Variants in SLMAP observed in about 807,000 individuals in gnomAD.
SLMAP encodes sarcolemmal membrane-associated protein.
SLMAP carries 44 observed loss-of-function variants against 128.8 expected under a neutral mutation model. That is an observed-to-expected ratio of 0.34 (90% CI 0.27 to 0.44). The LOEUF (loss-of-function observed/expected upper bound fraction) is 0.44. SLMAP is among the 20% of genes least tolerant of loss of function. The probability of loss-of-function intolerance (pLI) is 1.00; values close to 1 mark genes in which losing one functional copy is unlikely to be tolerated. For missense variants in SLMAP, 787 were observed against 985.3 expected (o/e 0.80, Z 2.69); for synonymous variants, 327 against 348.8 (o/e 0.94, Z 0.70).
intron 24 of SLMAP, chr3:57,926,195 G>A (rs1187344676): frequency 1.1e-5 from 5 of 440,704 alleles, no homozygotes; most frequent in Admixed American, 4.2e-5. Context: ...TCCATTAACT[G>A]AGTCTTTATC....
chr3:57,883,755 T>C (rs1186010731), intron 14 of SLMAP, among the ~76,000 whole-genome samples: 1 of 152,166 alleles, frequency 6.6e-6, no homozygotes, highest in Non-Finnish European at 1.5e-5. Context: ...CTTTCTCTTT[T>C]CTGAAGGCCT....
At chr3:57,845,432 A>C (rs1255489043) in intron 4 of SLMAP, among the ~76,000 whole-genome samples, 41 of 152,198 alleles carry the variant, frequency 2.7e-4, no homozygotes, top group Admixed American at 2.7e-3. Flanking sequence ...CAGTTCTTAC[A>C]GTGTTTGCAG....
At chr3:57,896,954 A>T in intron 17 of SLMAP, 22 bp downstream of exon 17, 1 of 1,613,154 alleles carries the variant, frequency 6.2e-7, no homozygotes, top group Non-Finnish European at 8.5e-7. Flanking sequence ...TGTTTTTATG[A>T]CATCGTAAAC....
chr3:57,871,570 C>T (rs1388854480), intron 13 of SLMAP, 66 bp from the exon 14 acceptor site: 5 of 1,220,742 alleles, frequency 4.1e-6, no homozygotes, highest in Non-Finnish European at 6.1e-6. Context: ...AGTTTTCCTA[C>T]CTTTGCTGTT....
chr3:57,802,323 G>C (rs888135286), intron 2 of SLMAP, among the ~76,000 whole-genome samples: 3 of 151,688 alleles, frequency 2.0e-5, no homozygotes, highest in Non-Finnish European at 4.4e-5. Flanking sequence ...TTCTGCCCAG[G>C]CTGGAGTGCA....
At chr3:57,801,045 C>T in intron 2 of SLMAP, 1 of 214,184 alleles carries the variant, frequency 4.7e-6, no homozygotes, top group Non-Finnish European at 9.4e-6. Context: ...ACAGAAAGTT[C>T]ATGAGTAAAG....
chr3:57,914,476 T>A (rs1413153232), intron 21 of SLMAP, among the ~76,000 whole-genome samples: 1 of 151,930 alleles, frequency 6.6e-6, no homozygotes, highest in Non-Finnish European at 1.5e-5. Flanking sequence ...AATTCCAAAA[T>A]AGGAATGGGA....
At chr3:57,892,334 T>C (rs940608952) in intron 15 of SLMAP, among the ~76,000 whole-genome samples, 2 of 152,216 alleles carry the variant, frequency 1.3e-5, no homozygotes, top group African/African-American at 4.8e-5. Flanking sequence ...CTCTTACCTC[T>C]AGAAGATGTA....
At chr3:57,901,343 G>A (rs903562442) in intron 17 of SLMAP, 5 of 152,268 alleles carry the variant, frequency 3.3e-5, no homozygotes, top group Admixed American at 3.3e-4. Context: ...ATTATTGGTG[G>A]TTGTTGCCAT....
At chr3:57,807,096 T>G (rs1560057759) in intron 2 of SLMAP, among the ~76,000 whole-genome samples, 1 of 152,220 alleles carries the variant, frequency 6.6e-6, no homozygotes, top group Non-Finnish European at 1.5e-5. Context: ...TGGTTTTGAT[T>G]TGCATTTCTC....
intron 9 of SLMAP, 80 bp downstream of exon 9, chr3:57,860,919 T>A: frequency 8.6e-7 from 1 of 1,159,582 alleles, no homozygotes; most frequent in Non-Finnish European, 1.2e-6. Flanking sequence ...TACTTTAAAC[T>A]TGGGTATTAT....
intron 2 of SLMAP, among the ~76,000 whole-genome samples, chr3:57,769,764 T>A (rs1228334682): frequency 6.6e-6 from 1 of 152,244 alleles, no homozygotes; most frequent in Non-Finnish European, 1.5e-5. Flanking sequence ...TTTTTCTCTC[T>A]GCTTCCTTAT....
chr3:57,864,722 T>TAGCTA lies in SLMAP; in HGVS notation c.1135+8_1135+12dup. 6.3e-7 allele frequency: 1 copy of TAGCTA among 1,583,510 alleles called. No homozygotes were observed. Among genetic ancestry groups the TAGCTA allele is most frequent in the Non-Finnish European group, 8.5e-7 (1 of 1,170,090 alleles). Reference sequence around the variant, plus strand: ...AAGGCTAACAGCTTTACAAGGTAAGTAGCTAATCCAGAAATTGATTTTATT... The same window carrying TAGCTA: ...AAGGCTAACAGCTTTACAAGGTAAGTAGCTAAGCTAATCCAGAAATTGATTTTATT... On this transcript the variant is annotated splice_region_variant and intron_variant, in intron 11 of 24. Coordinates refer to ENST00000671191, the MANE Select transcript of SLMAP (RefSeq NM_001377540.1).
chr3:57,851,919 ATTC>A (rs1016475042), intron 6 of SLMAP, among the ~76,000 whole-genome samples: 1 of 151,454 alleles, frequency 6.6e-6, no homozygotes, highest in African/African-American at 2.4e-5. Flanking sequence ...GGGTCCCTAT[ATTC>A]TTTTTTGAGG....
In SLMAP at chr3:57,757,670, A is replaced by G. The variant is rs1204924909; in HGVS notation, c.19A>G (p.Ile7Val). 1 of 1,614,104 alleles carries G rather than the reference A, an allele frequency of 6.2e-7. No homozygotes were observed. Among genetic ancestry groups the G allele is most frequent in the Non-Finnish European group, 8.5e-7 (1 of 1,180,008 alleles). The change falls in exon 2 of 25, where the codon ATC (isoleucine) becomes GTC (valine). Residue 7 changes from isoleucine (I) to valine (V), a missense_variant. Coordinates refer to ENST00000671191, the MANE Select transcript of SLMAP (RefSeq NM_001377540.1). MPSALA[I>V]FTCRPNSHPF... ...ATCCTCGATGCCGTCAGCCTTGGCCATCTTCACTTGCCGCCCGAACTCGCA... is the reference window on the plus strand; with the variant it reads ...ATCCTCGATGCCGTCAGCCTTGGCCGTCTTCACTTGCCGCCCGAACTCGCA...
chr3:57,885,197 T>A (rs1028606957), intron 14 of SLMAP, among the ~76,000 whole-genome samples: 1 of 144,194 alleles, frequency 6.9e-6, no homozygotes, highest in African/African-American at 2.6e-5. Flanking sequence ...CTCAGCCTCC[T>A]GAGTAGCTGG....
intron 4 of SLMAP, among the ~76,000 whole-genome samples, chr3:57,843,775 C>T (rs375207764): frequency 2.0e-3 from 156 of 77,084 alleles, no homozygotes; most frequent in South Asian, 5.6e-3. Flanking sequence ...TCTTTTCTTT[C>T]TTTTTTTTTT....
intron 2 of SLMAP, among the ~76,000 whole-genome samples, chr3:57,817,205 C>G (rs1031199912): frequency 1.3e-5 from 2 of 152,034 alleles, no homozygotes; most frequent in Non-Finnish European, 2.9e-5. Flanking sequence ...GAACTGTAAT[C>G]GGAAGGGAAA....
intron 17 of SLMAP, among the ~76,000 whole-genome samples, chr3:57,906,310 C>CCTTTTTTTTTTT (rs2096547779): frequency 2.1e-5 from 1 of 47,048 alleles, no homozygotes; most frequent in East Asian, 9.8e-4. Context: ...CTTTTTTTTT[C>CCTTTTTTTTTTT]TTTTTTTTTT....
Sources: allele counts gnomAD v4.1 joint callset (sites outside exome capture counted in the v4.1 genomes callset), GRCh38; gene constraint gnomAD v4.1.1; transcripts MANE v1.5; gene names NCBI Gene and HGNC (gene_info 2026-07-23, HGNC 2026-07-21).